The following KIAA1217 variants were observed in gnomAD, a reference collection of about 807,000 sequenced individuals.
KIAA1217 encodes the protein KIAA1217.
KIAA1217 carries 88 observed loss-of-function variants against 163.9 expected under a neutral mutation model. That is an observed-to-expected ratio of 0.54 (90% CI 0.45 to 0.64). The LOEUF is 0.64. KIAA1217 is among the 30% of genes least tolerant of loss of function. The pLI, the probability that KIAA1217 is intolerant of heterozygous loss-of-function variation, is 0.00. For synonymous variants in KIAA1217, 903 were observed against 923.1 expected (o/e 0.98, Z 0.39); for missense variants, 2,372 against 2,475.0 (o/e 0.96, Z 0.88).
chr10:24,317,487 C>T (rs948791471), intron 2 of KIAA1217, among the ~76,000 whole-genome samples: 2 of 151,902 alleles, frequency 1.3e-5, no homozygotes, highest in South Asian at 2.1e-4. Flanking sequence ...AGGAGTGTCA[C>T]GATGGGGTTG....
At chr10:24,374,274 G>A (rs976164834) in intron 2 of KIAA1217, among the ~76,000 whole-genome samples, 2 of 152,152 alleles carry the variant, frequency 1.3e-5, no homozygotes, top group Non-Finnish European at 2.9e-5. Flanking sequence ...ATTAAAATGT[G>A]GTTAGTGAAT....
chr10:23,964,571 A>G (rs145666208), intron 1 of KIAA1217, among the ~76,000 whole-genome samples: 14 of 145,698 alleles, frequency 9.6e-5, no homozygotes, highest in Middle Eastern at 7.1e-3. Flanking sequence ...TAACAGTTGA[A>G]TTTTTTTTTT....
intron 1 of KIAA1217, among the ~76,000 whole-genome samples, chr10:23,818,646 T>C (rs1837478713): frequency 6.6e-6 from 1 of 152,012 alleles, no homozygotes; most frequent in South Asian, 2.1e-4. Flanking sequence ...ACCTTCTTGC[T>C]CCTTAGTGCT....
intron 1 of KIAA1217, among the ~76,000 whole-genome samples, chr10:23,932,949 G>C (rs1368819109): frequency 6.6e-6 from 1 of 152,180 alleles, no homozygotes; most frequent in Non-Finnish European, 1.5e-5. Flanking sequence ...TTTTTAGGTT[G>C]TTGCTATGAC....
intron 1 of KIAA1217, among the ~76,000 whole-genome samples, chr10:23,958,659 AAGAG>A (rs750483266): frequency 9.3e-5 from 14 of 150,364 alleles, no homozygotes; most frequent in Non-Finnish European, 1.9e-4. Flanking sequence ...AAATGAGAGA[AAGAG>A]AGAGAGAGAG....
chr10:24,107,474 T>C (rs1448993104), intron 2 of KIAA1217, among the ~76,000 whole-genome samples: 1 of 152,226 alleles, frequency 6.6e-6, no homozygotes, highest in Non-Finnish European at 1.5e-5. Flanking sequence ...CTTTCCACAG[T>C]GGCTAAACTA....
intron 1 of KIAA1217, among the ~76,000 whole-genome samples, chr10:23,869,069 T>C (rs905810389): frequency 1.3e-5 from 2 of 151,132 alleles, no homozygotes; most frequent in African/African-American, 2.4e-5. Flanking sequence ...TTTATAAATG[T>C]GTTTTCAGTC....
intron 2 of KIAA1217, among the ~76,000 whole-genome samples, chr10:24,281,733 G>A (rs1375043830): frequency 6.6e-6 from 1 of 151,832 alleles, no homozygotes; most frequent in Non-Finnish European, 1.5e-5. Flanking sequence ...GAAATGAAAA[G>A]CCATTCTCAT....
intron 2 of KIAA1217, among the ~76,000 whole-genome samples, chr10:24,013,014 A>G (rs1426355202): frequency 6.6e-6 from 1 of 152,190 alleles, no homozygotes; most frequent in Non-Finnish European, 1.5e-5. Context: ...ATCAGTACTC[A>G]TGGTACTTTT....
intron 20 of KIAA1217, 171 bp from the exon 21 acceptor site, chr10:24,545,656 G>T: frequency 7.0e-7 from 1 of 1,423,358 alleles, no homozygotes; most frequent in Non-Finnish European, 9.1e-7. Context: ...GTACATGGGG[G>T]GTTTCTACCA....
At chr10:24,327,530 G>T (rs562242148) in intron 2 of KIAA1217, among the ~76,000 whole-genome samples, 124 of 152,190 alleles carry the variant, frequency 8.1e-4, no homozygotes, top group African/African-American at 2.9e-3. Context: ...TTGTTCTGTT[G>T]CCCAGGCTAG....
intron 2 of KIAA1217, among the ~76,000 whole-genome samples, chr10:24,087,890 C>G (rs975249152): frequency 1.3e-5 from 2 of 151,780 alleles, no homozygotes; most frequent in Non-Finnish European, 2.9e-5. Flanking sequence ...TGGATTTTCT[C>G]TTTATGCCAG....
chr10:24,047,373 T>C (rs1849110370), intron 2 of KIAA1217, among the ~76,000 whole-genome samples: 1 of 152,176 alleles, frequency 6.6e-6, no homozygotes, highest in African/African-American at 2.4e-5. Context: ...GCAAGGCAAT[T>C]ATCCTTCTGG....
At chr10:24,401,631 C>G in intron 3 of KIAA1217, among the ~76,000 whole-genome samples, 1 of 152,348 alleles carries the variant, frequency 6.6e-6, no homozygotes, top group East Asian at 1.9e-4. Context: ...CAGAAACCTA[C>G]AGCCAACATC....
At chr10:23,999,866 A>T (rs1453002302) in intron 1 of KIAA1217, among the ~76,000 whole-genome samples, 2 of 152,090 alleles carry the variant, frequency 1.3e-5, no homozygotes, top group Non-Finnish European at 2.9e-5. Flanking sequence ...TTGAGACCAG[A>T]CTAGACAACA....
intron 6 of KIAA1217, chr10:24,482,568 C>T (rs975533259): frequency 6.6e-6 from 1 of 152,198 alleles, no homozygotes; most frequent in Non-Finnish European, 1.5e-5. Flanking sequence ...AGTTTAGCCT[C>T]TCTTGTGATT....
intron 2 of KIAA1217, among the ~76,000 whole-genome samples, chr10:24,135,795 G>A (rs568630257): frequency 6.6e-6 from 1 of 152,242 alleles, no homozygotes; most frequent in East Asian, 1.9e-4. Context: ...TGGTTTCTCC[G>A]TGTATCAAAT....
At chr10:24,197,770 T>G (rs546825857) in intron 2 of KIAA1217, among the ~76,000 whole-genome samples, 120 of 152,346 alleles carry the variant, frequency 7.9e-4, no homozygotes, top group African/African-American at 2.7e-3. Flanking sequence ...TCAAATCCAT[T>G]CTCCACACAG....
At chr10:23,872,099 A>G (rs981759359) in intron 1 of KIAA1217, among the ~76,000 whole-genome samples, 6 of 152,078 alleles carry the variant, frequency 3.9e-5, no homozygotes, top group Non-Finnish European at 8.8e-5. Flanking sequence ...CGCTCCCCAC[A>G]TTTGATTTAG....
Sources: gnomAD v4.1 joint callset for allele counts (sites outside exome capture counted in the v4.1 genomes callset) on GRCh38, gnomAD v4.1.1 for gene constraint, MANE v1.5 for transcripts, NCBI Gene and HGNC (gene_info 2026-07-23, HGNC 2026-07-21) for gene names.